TTC39C: variants seen among roughly 807,000 people sequenced by gnomAD.
The protein encoded by TTC39C is tetratricopeptide repeat domain 39C.
In TTC39C, 33 loss-of-function variants were observed where a neutral mutation model predicts 76.3. That is an observed-to-expected ratio of 0.43 (90% CI 0.33 to 0.58). TTC39C has a LOEUF of 0.58. Ranked by LOEUF, TTC39C falls within the 20% of genes least tolerant of loss-of-function variation. TTC39C has a pLI of 0.04. For synonymous variants in TTC39C, 254 were observed against 260.6 expected, an observed-to-expected ratio of 0.97 and a Z score of 0.24; for missense variants, 595 against 701.4, an observed-to-expected ratio of 0.85 and a Z score of 1.71.
At chr18:24,034,977 G>T (rs911726413) in intron 1 of TTC39C, among the ~76,000 whole-genome samples, 4 of 152,004 alleles carry the variant, frequency 2.6e-5, no homozygotes, top group Admixed American at 2.0e-4. Context: ...CAGTTTTTTC[G>T]GGTATATACC....
chr18:24,029,557 A>T (rs990604835), intron 1 of TTC39C, among the ~76,000 whole-genome samples: 3 of 152,200 alleles, frequency 2.0e-5, no homozygotes, highest in African/African-American at 7.2e-5. Context: ...GTTTGGTTAC[A>T]TGGATAAGTT....
chr18:23,999,574 T>G (rs1278492398), intron 1 of TTC39C, among the ~76,000 whole-genome samples: 1 of 151,492 alleles, frequency 6.6e-6, no homozygotes, highest in Non-Finnish European at 1.5e-5. Context: ...AGAAGCTTCA[T>G]CTGAGTCTGC....
rs1323840606 is a variant in TTC39C at position 24,114,667 on chromosome 18, C to T, written c.1078+20C>T. 6.4e-7 allele frequency: 1 copy of T among 1,566,760 alleles called. No homozygotes were observed. The highest frequency in any genetic ancestry group is 8.8e-7 in the Non-Finnish European group (1 of 1,137,994). ...AAATTGGTAAATATGAAATGTCTGTCCAGCCTCTTGTTAAGAAGTAGTATT... is the reference window on the plus strand; with the variant it reads ...AAATTGGTAAATATGAAATGTCTGTTCAGCCTCTTGTTAAGAAGTAGTATT... On this transcript the variant is annotated intron_variant, in intron 7 of 13. Transcript: ENST00000317571.
chr18:24,038,443 C>T (rs933071895), intron 1 of TTC39C, among the ~76,000 whole-genome samples: 2 of 151,990 alleles, frequency 1.3e-5, no homozygotes, highest in South Asian at 2.1e-4. Flanking sequence ...CCACCATGCC[C>T]GGCTAATTTT....
chr18:24,027,374 C>G lies in TTC39C; in HGVS notation c.167+12336C>G, dbSNP rs528530807. Among the ~76,000 whole-genome samples, 3 of 152,208 alleles carry G rather than the reference C, an allele frequency of 2.0e-5. No individual in the cohort carries two copies. The East Asian group carries it at 5.8e-4, about 29-fold the overall frequency. On this transcript the variant is annotated intron_variant, in intron 1 of 13. Coordinates refer to ENST00000317571, the MANE Select transcript of TTC39C (RefSeq NM_001135993.2). ...GTCACTGGCAAGGCTTTGAGTGCTT[C>G]CCCTCTTCCCCAATTTCAAATGGTG...
chr18:24,052,864 G>A (rs1422621735), intron 1 of TTC39C, among the ~76,000 whole-genome samples: 2 of 152,194 alleles, frequency 1.3e-5, no homozygotes. Context: ...CTGGGTGACT[G>A]TACCTGTCTC....
At chr18:24,019,707 C>T (rs1335771774) in intron 1 of TTC39C, among the ~76,000 whole-genome samples, 2 of 152,224 alleles carry the variant, frequency 1.3e-5, no homozygotes, top group Non-Finnish European at 2.9e-5. Context: ...TAGCCTGACA[C>T]CAGCTTTTGT....
intron 1 of TTC39C, among the ~76,000 whole-genome samples, chr18:24,049,694 T>C (rs2083925643): frequency 6.6e-6 from 1 of 152,146 alleles, no homozygotes; most frequent in Non-Finnish European, 1.5e-5. Flanking sequence ...CAGGAACCAT[T>C]GAGGAGAGAG....
intron 1 of TTC39C, 28 bp downstream of exon 1, chr18:24,015,066 C>T (rs2083435891): frequency 7.2e-7 from 1 of 1,393,824 alleles, no homozygotes; most frequent in East Asian, 3.1e-5. Flanking sequence ...GATTCCCCAA[C>T]CCTGCAGCGC....
intron 6 of TTC39C, among the ~76,000 whole-genome samples, chr18:24,095,150 G>T (rs960147659): frequency 6.6e-6 from 1 of 152,202 alleles, no homozygotes; most frequent in Non-Finnish European, 1.5e-5. Flanking sequence ...TATGGAGACG[G>T]CTTCTTTCCT....
intron 1 of TTC39C, among the ~76,000 whole-genome samples, chr18:24,023,992 A>C (rs558329795): frequency 0.034 from 148 of 4,328 alleles, 19 homozygotes; most frequent in Non-Finnish European, 0.048. Context: ...ATATATATAT[A>C]TATATATATA....
At chr18:24,034,202 A>C (rs2083707212) in intron 1 of TTC39C, among the ~76,000 whole-genome samples, 1 of 152,272 alleles carries the variant, frequency 6.6e-6, no homozygotes, top group Non-Finnish European at 1.5e-5. Context: ...CATCGAAAGC[A>C]CAAAGGCTAC....
At chr18:24,124,829 T>C (rs186431479) in intron 9 of TTC39C, among the ~76,000 whole-genome samples, 75 of 152,346 alleles carry the variant, frequency 4.9e-4, no homozygotes, top group African/African-American at 1.8e-3. Context: ...TTATAAATTC[T>C]GTCACTCTAA....
chr18:24,046,503 G>C (rs188936429), intron 1 of TTC39C, among the ~76,000 whole-genome samples: 1 of 151,848 alleles, frequency 6.6e-6, no homozygotes, highest in East Asian at 1.9e-4. Context: ...ATTTTAACTT[G>C]GTAGCGTTTT....
intron 4 of TTC39C, among the ~76,000 whole-genome samples, chr18:24,075,691 A>AC (rs1161613681): frequency 4.0e-5 from 6 of 151,382 alleles, no homozygotes; most frequent in Non-Finnish European, 8.9e-5. Flanking sequence ...TCTCAAAAAA[A>AC]AAAAAAAAAA....
intron 1 of TTC39C, among the ~76,000 whole-genome samples, chr18:24,023,989 T>TACACAC (rs1231718698): frequency 1.8e-3 from 9 of 5,006 alleles, no homozygotes; most frequent in African/African-American, 4.9e-3. Context: ...TACATATATA[T>TACACAC]ATATATATAT....
intron 6 of TTC39C, among the ~76,000 whole-genome samples, chr18:24,087,816 C>A (rs1337365533): frequency 6.6e-6 from 1 of 152,048 alleles, no homozygotes; most frequent in Non-Finnish European, 1.5e-5. Context: ...AGCTCCTGAC[C>A]TTTATTTTGA....
chr18:23,998,915 C>T (rs2083291140), intron 1 of TTC39C, among the ~76,000 whole-genome samples: 1 of 152,128 alleles, frequency 6.6e-6, no homozygotes, highest in Admixed American at 6.5e-5. Flanking sequence ...GTAAGCCACA[C>T]CCTTTAAATA....
chr18:24,103,740 A>G (rs2084708487), intron 6 of TTC39C, among the ~76,000 whole-genome samples: 1 of 138,974 alleles, frequency 7.2e-6, no homozygotes, highest in Non-Finnish European at 1.5e-5. Context: ...CCCAGCCAAC[A>G]CTGTTTTTCT....
Sources: allele counts gnomAD v4.1 joint callset (sites outside exome capture counted in the v4.1 genomes callset), GRCh38; gene constraint gnomAD v4.1.1; transcripts MANE v1.5; gene names NCBI Gene and HGNC (gene_info 2026-07-23, HGNC 2026-07-21).